The following MYO10 variants were observed in gnomAD, a reference collection of about 807,000 sequenced individuals.
The protein encoded by MYO10 is myosin X, also known as unconventional myosin-X.
Under a neutral mutation model 257.3 loss-of-function variants are expected in MYO10, and 133 were observed. That is an observed-to-expected ratio of 0.52 (90% CI 0.45 to 0.60). The LOEUF is 0.60. Ranked by LOEUF, MYO10 falls within the 20% of genes least tolerant of loss-of-function variation. The probability of loss-of-function intolerance (pLI) is 0.00; values close to 1 mark genes in which losing one functional copy is unlikely to be tolerated. For missense variants in MYO10, 2,399 were observed against 2,635.7 expected (o/e 0.91, Z 1.97); for synonymous variants, 1,104 against 1,028.6 (o/e 1.07, Z -1.40).
At chr5:16,857,589 G>T (rs116947125) in intron 2 of MYO10, among the ~76,000 whole-genome samples, 1 of 152,298 alleles carries the variant, frequency 6.6e-6, no homozygotes, top group East Asian at 1.9e-4. Flanking sequence ...AGAAGCTCTG[G>T]ATTGAGACCT....
Position 16,927,620 on chromosome 5 carries a change from G to A in MYO10, c.21+8168C>T, listed in dbSNP as rs542651868. Among the ~76,000 whole-genome samples the A allele has an allele frequency of 2.4e-3, 369 of 152,242 alleles. 3 individuals carry two copies. The highest frequency in any genetic ancestry group is 8.4e-3 in the African/African-American group (350 of 41,548). ...ATTACAGGCTTGAGCCACCGCGCCC[G>A]GCCTTTAACTGCCGTAATTTAAAAT... On this transcript the variant is annotated intron_variant, in intron 1 of 40. Transcript: ENST00000513610.
intron 4 of MYO10, among the ~76,000 whole-genome samples, chr5:16,788,096 A>G (rs1741643857): frequency 6.6e-6 from 1 of 152,180 alleles, no homozygotes. Flanking sequence ...GCCCCAAAGA[A>G]TCATTCTGAC....
At chr5:16,825,106 T>C (rs1742961695) in intron 2 of MYO10, among the ~76,000 whole-genome samples, 1 of 152,176 alleles carries the variant, frequency 6.6e-6, no homozygotes, top group South Asian at 2.1e-4. Flanking sequence ...GTCCACACTA[T>C]CTCTGTTTCT....
chr5:16,903,977 C>T (rs998586477), intron 1 of MYO10, among the ~76,000 whole-genome samples: 1 of 152,146 alleles, frequency 6.6e-6, no homozygotes, highest in Non-Finnish European at 1.5e-5. Context: ...TTGCAATCTT[C>T]AAAGTGTAAG....
At chr5:16,921,495 T>G (rs1745983229) in intron 1 of MYO10, among the ~76,000 whole-genome samples, 1 of 151,966 alleles carries the variant, frequency 6.6e-6, no homozygotes, top group Non-Finnish European at 1.5e-5. Context: ...GCCCAAACCT[T>G]ATGGGGAGAG....
At chr5:16,859,254 T>C (rs910151584) in intron 2 of MYO10, among the ~76,000 whole-genome samples, 2 of 152,236 alleles carry the variant, frequency 1.3e-5, no homozygotes, top group African/African-American at 4.8e-5. Context: ...AAGGATATTC[T>C]GCATCTGGTG....
Position 16,673,729 on chromosome 5 carries a change from C to T in MYO10, c.5125G>A (p.Gly1709Ser), listed in dbSNP as rs531604162. ...EMTSTVYCHG[G>S]GSCKITINSH... Reference sequence around the variant, plus strand: ...TTGATGGTGATCTTGCAGGAGCCGCCGCCATGGCAATAGACCGTGGATGTC... The same window carrying T: ...TTGATGGTGATCTTGCAGGAGCCGCTGCCATGGCAATAGACCGTGGATGTC... Residue 1709 changes from glycine to serine, a missense_variant, in exon 36 of 41, where the codon GGC (glycine) becomes AGC (serine). Coordinates refer to ENST00000513610, the MANE Select transcript of MYO10 (RefSeq NM_012334.3). 23 of 1,613,914 alleles carry T rather than the reference C, an allele frequency of 1.4e-5. No individual in the cohort carries two copies. Among genetic ancestry groups the T allele is most frequent in the Non-Finnish European group, 1.7e-5 (20 of 1,179,892 alleles).
intron 19 of MYO10, 128 bp from the exon 20 acceptor site, chr5:16,711,373 A>C: frequency 1.0e-6 from 1 of 989,594 alleles, no homozygotes; most frequent in Non-Finnish European, 1.5e-6. Context: ...TCTTGAACCT[A>C]CACAGAAATA....
At chr5:16,883,073 G>A (rs1413555061) in intron 1 of MYO10, among the ~76,000 whole-genome samples, 1 of 151,816 alleles carries the variant, frequency 6.6e-6, no homozygotes, top group African/African-American at 2.4e-5. Flanking sequence ...CCACCACCAC[G>A]CCTGGCTAAT....
intron 1 of MYO10, among the ~76,000 whole-genome samples, chr5:16,931,668 T>C (rs1336809461): frequency 1.3e-5 from 2 of 152,172 alleles, no homozygotes; most frequent in African/African-American, 4.8e-5. Context: ...ATAGAAATGT[T>C]TTCAAACTAC....
rs1736116626 is a variant in MYO10 at position 16,665,401 on chromosome 5, T to C, written c.*1291A>G. 6.6e-6 allele frequency: 1 copy of C among 152,188 alleles called. No homozygotes were observed. The highest frequency in any genetic ancestry group is 6.5e-5 in the Admixed American group (1 of 15,276). The allele number at this position is 152,188 out of a possible 1,614,324, so 9.4% of individuals were successfully genotyped here. A position where few individuals can be genotyped will look rare whatever the true frequency, so the allele number is the denominator to read the frequency against. ...AGGCAAATTTCTTTTTTCGTGTGGG[T>C]AGACTTAGTTGGCCCAAGTCCTTAA... On this transcript the variant is annotated 3_prime_UTR_variant, in exon 41 of 41. Transcript: ENST00000513610.
chr5:16,774,265 CAAAG>C (rs1481283717), intron 9 of MYO10, among the ~76,000 whole-genome samples: 1 of 152,074 alleles, frequency 6.6e-6, no homozygotes, highest in African/African-American at 2.4e-5. Context: ...ACCCTGGAAA[CAAAG>C]GGAGGAGTGT....
chr5:16,793,635 T>C (rs1741837574), intron 4 of MYO10, among the ~76,000 whole-genome samples: 1 of 152,144 alleles, frequency 6.6e-6, no homozygotes, highest in Non-Finnish European at 1.5e-5. Context: ...TAAATATTTA[T>C]TTTAAAAATA....
At chr5:16,910,208 C>T (rs773650508) in intron 1 of MYO10, among the ~76,000 whole-genome samples, 4 of 152,126 alleles carry the variant, frequency 2.6e-5, no homozygotes, top group Non-Finnish European at 5.9e-5. Flanking sequence ...CTGAATTGTA[C>T]ATTTAGAAAA....
intron 3 of MYO10, among the ~76,000 whole-genome samples, chr5:16,800,685 T>A (rs1383805834): frequency 6.6e-6 from 1 of 152,154 alleles, no homozygotes; most frequent in African/African-American, 2.4e-5. Context: ...TGTTCTCCAA[T>A]CTGCTTGGCC....
rs1241063000 is a variant in MYO10 at position 16,764,388 on chromosome 5, G to A, written c.1188C>T (p.Asp396=). ...GAGCCATGGCCAGGGAGTCCCTGCT[G>A]TCTACTGCCTGTGGGAGAGAAACCA... is the stretch of plus-strand genomic sequence containing the variant. The part of the protein sequence containing the change: ...LTPLNVQQAV[D]SRDSLAMALY... The change falls in exon 12 of 41, where the codon GAC becomes GAT. Residue 396 remains aspartate (D), a synonymous_variant. Coordinates refer to ENST00000513610, the MANE Select transcript of MYO10 (RefSeq NM_012334.3). 5.6e-6 allele frequency: 9 copies of A among 1,613,652 alleles called. No individual in the cohort carries two copies. The highest frequency in any genetic ancestry group is 4.0e-5 in the African/African-American group (3 of 74,890).
chr5:16,717,673 A>G (rs1738930094), intron 19 of MYO10, among the ~76,000 whole-genome samples: 1 of 152,192 alleles, frequency 6.6e-6, no homozygotes, highest in Non-Finnish European at 1.5e-5. Context: ...TCATCAGCGG[A>G]CCATATCCTT....
chr5:16,796,499 G>A (rs1309630194), intron 3 of MYO10, among the ~76,000 whole-genome samples: 1 of 147,924 alleles, frequency 6.8e-6, no homozygotes, highest in Non-Finnish European at 1.5e-5. Context: ...AAGAAAGAAG[G>A]AAAATAAATA....
At chr5:16,929,535 G>A (rs1746239357) in intron 1 of MYO10, among the ~76,000 whole-genome samples, 1 of 152,122 alleles carries the variant, frequency 6.6e-6, no homozygotes, top group Admixed American at 6.5e-5. Context: ...TTTTCTAGCT[G>A]TGTGACACTG....
Sources: allele counts gnomAD v4.1 joint callset (sites outside exome capture counted in the v4.1 genomes callset), GRCh38; gene constraint gnomAD v4.1.1; transcripts MANE v1.5; gene names NCBI Gene and HGNC (gene_info 2026-07-23, HGNC 2026-07-21).